The following WDR17 variants were observed in gnomAD, a reference collection of about 807,000 sequenced individuals.
The protein encoded by WDR17 is WD repeat-containing protein 17.
A neutral mutation model predicts 161.7 loss-of-function variants in WDR17; 143 were observed. That is an observed-to-expected ratio of 0.88 (90% CI 0.77 to 1.02). WDR17 has a LOEUF of 1.02. Ranked by LOEUF, WDR17 falls within the 50% of genes least tolerant of loss-of-function variation. WDR17 has a pLI of 0.00. For synonymous variants in WDR17, 517 were observed against 515.6 expected (o/e 1.00, Z -0.04); for missense variants, 1,469 against 1,520.9 (o/e 0.97, Z 0.57).
intron 22 of WDR17, 172 bp from the exon 23 acceptor site, chr4:176,168,500 T>G: frequency 1.5e-6 from 1 of 657,738 alleles, no homozygotes; most frequent in Non-Finnish European, 2.4e-6. Flanking sequence ...ACCTTTGGTT[T>G]GGGTAATCTG....
chr4:176,094,102 T>TA (rs1314863452), intron 1 of WDR17, among the ~76,000 whole-genome samples: 7 of 152,144 alleles, frequency 4.6e-5, no homozygotes, highest in Admixed American at 3.9e-4. Context: ...ATTTTACTCT[T>TA]AAAAAAACAC....
chr4:176,179,488 A>C lies in WDR17; in HGVS notation c.3761A>C (p.Lys1254Thr). ...QGPVFFLEDG[K>T]SAISLNDALM... ...CCTGTGTTTTTCCTTGAAGACGGGA[A>C]ATCTGCTATCTCCTTGAATGATGCT... Residue 1254 changes from lysine to threonine, a missense_variant, in exon 29 of 29, where the codon AAA (lysine) becomes ACA (threonine). Physicochemically the swap from Lys to Thr is moderately conservative, Grantham distance 78. Transcript: ENST00000508596. 6.2e-7 allele frequency: 1 copy of C among 1,601,156 alleles called. No individual in the cohort carries two copies. Among genetic ancestry groups the C allele is most frequent in the South Asian group, 1.1e-5 (1 of 89,080 alleles).
rs114333250 is a variant in WDR17 at position 176,128,768 on chromosome 4, A to G, written c.821A>G (p.Asn274Ser). 321 of 1,604,356 alleles carry G rather than the reference A, an allele frequency of 2.0e-4. No homozygotes were observed. In the African/African-American group the frequency reaches 3.0e-3, roughly 15 times the overall value. The change falls in exon 6 of 29, where the codon AAT (asparagine) becomes AGT (serine). Residue 274 changes from asparagine (N) to serine (S), a missense_variant. Asn to Ser is a conservative substitution (Grantham distance 46, BLOSUM62 1). Transcript: ENST00000508596. ...CAAGTGGGTGTTTTACGCATTTGGA[A>G]TGTTTCAAGAACAACACCTATTGAT... ...DSQVGVLRIW[N>S]VSRTTPIDNL...
At chr4:176,157,732 A>G (rs1214949721) in intron 18 of WDR17, among the ~76,000 whole-genome samples, 3 of 152,244 alleles carry the variant, frequency 2.0e-5, no homozygotes, top group Admixed American at 1.3e-4. Flanking sequence ...CTATGTGATT[A>G]TTGACATATT....
intron 3 of WDR17, 25 bp from the exon 4 acceptor site, chr4:176,119,842 T>C: frequency 6.3e-7 from 1 of 1,584,124 alleles, no homozygotes; most frequent in Non-Finnish European, 8.7e-7. Context: ...ATCTTTATTA[T>C]GTATCTGTAT....
At chr4:176,087,182 C>T (rs1053704750) in intron 1 of WDR17, among the ~76,000 whole-genome samples, 7 of 151,808 alleles carry the variant, frequency 4.6e-5, no homozygotes, top group African/African-American at 1.4e-4. Flanking sequence ...TGTTTCTTAT[C>T]CTTCTACCTA....
intron 1 of WDR17, among the ~76,000 whole-genome samples, chr4:176,083,987 C>T (rs1158506816): frequency 6.6e-6 from 1 of 151,732 alleles, no homozygotes; most frequent in Non-Finnish European, 1.5e-5. Flanking sequence ...TCCCTTTTGT[C>T]CATTTTTCTA....
intron 1 of WDR17, among the ~76,000 whole-genome samples, chr4:176,069,244 G>A (rs1318009925): frequency 6.7e-6 from 1 of 150,374 alleles, no homozygotes; most frequent in Non-Finnish European, 1.5e-5. Context: ...GCTACTTGAG[G>A]AAAATAATTT....
In WDR17 at chr4:176,148,321, G is replaced by A. The variant is rs151323813; in HGVS notation, c.1883G>A (p.Gly628Asp). The A allele has an allele frequency of 3.6e-4, 579 of 1,612,764 alleles. 1 individual carries two copies. Among genetic ancestry groups the A allele is most frequent in the Middle Eastern group, 1.2e-3 (7 of 6,058 alleles). Residue 628 changes from glycine to aspartate, a missense_variant, in exon 13 of 29, where the codon GGT becomes GAT. Physicochemically the swap from Gly to Asp is moderately conservative, Grantham distance 94. Coordinates refer to ENST00000508596, the MANE Select transcript of WDR17 (RefSeq NM_181265.4). Reference protein sequence around the residue: ...GTCVDTVYDHGADVYGLTCHP... With the variant: ...GTCVDTVYDHDADVYGLTCHP... ...TGTGTGGATACTGTGTATGATCACG[G>A]TGCAGATGTATATGGTAGAGTGTCT...
In WDR17 at chr4:176,168,643, T is replaced by C. The variant is rs151005676; in HGVS notation, c.2991-29T>C. 13 of 1,612,562 alleles carry C rather than the reference T, an allele frequency of 8.1e-6. No homozygotes were observed. In the East Asian group the frequency reaches 1.6e-4, roughly 19 times the overall value. On this transcript the variant is annotated intron_variant, in intron 22 of 28. Transcript: ENST00000508596. ...TGTTATTTTTAAATCTTCTCCTCAA[T>C]GAAGTGTCCCCTTTTGTTACGTTAA...
At chr4:176,138,814 A>G (rs1240252002) in intron 9 of WDR17, among the ~76,000 whole-genome samples, 1 of 151,820 alleles carries the variant, frequency 6.6e-6, no homozygotes, top group East Asian at 1.9e-4. Flanking sequence ...GTATTTCTTT[A>G]TGTCTTTCCC....
chr4:176,066,589 C>T lies in WDR17; in HGVS notation c.-7+510C>T, dbSNP rs955624908. Among the ~76,000 whole-genome samples, 45 of 152,246 alleles carry T rather than the reference C, an allele frequency of 3.0e-4. 1 individual carries two copies. Among genetic ancestry groups the T allele is most frequent in the African/African-American group, 1.1e-3 (45 of 41,540 alleles). On this transcript the variant is annotated intron_variant, in intron 1 of 28. Coordinates refer to ENST00000508596, the MANE Select transcript of WDR17 (RefSeq NM_181265.4). ...TATTAAGTAGATCGTAAAATAGAATCTTTGCTGTCCTCCCCTCTCCAAAAT... is the reference window on the plus strand; with the variant it reads ...TATTAAGTAGATCGTAAAATAGAATTTTTGCTGTCCTCCCCTCTCCAAAAT...
At chr4:176,104,321 G>GA (rs1450054853) in intron 1 of WDR17, among the ~76,000 whole-genome samples, 2 of 152,050 alleles carry the variant, frequency 1.3e-5, no homozygotes, top group East Asian at 1.9e-4. Context: ...AAAGCCATAT[G>GA]AAAAAATAAA....
Position 176,065,946 on chromosome 4 carries a change from C to G in WDR17, c.-140C>G, listed in dbSNP as rs1469974263. Reference sequence around the variant, plus strand: ...TCGGAGCCCGCGGGCCCGGCCGCCCCGCCCCCGGGCGCCCTGAGCGAGCAG... The same window carrying G: ...TCGGAGCCCGCGGGCCCGGCCGCCCGGCCCCCGGGCGCCCTGAGCGAGCAG... On this transcript the variant is annotated 5_prime_UTR_variant, in exon 1 of 29. Coordinates refer to ENST00000508596, the MANE Select transcript of WDR17 (RefSeq NM_181265.4). 6.6e-6 allele frequency: 1 copy of G among 152,046 alleles called. No homozygotes were observed. Among genetic ancestry groups the G allele is most frequent in the Non-Finnish European group, 1.5e-5 (1 of 68,000 alleles). 9.4% of individuals were successfully genotyped at this position (152,046 alleles called of 1,614,324 possible).
At position 176,087,783 on chromosome 4, in the gene WDR17, T is replaced by C. The variant is rs537025218; in HGVS notation, c.-7+21704T>C. Among the ~76,000 whole-genome samples the C allele has an allele frequency of 5.9e-5, 9 of 152,300 alleles. No individual in the cohort carries two copies. The South Asian group carries it at 8.3e-4, about 14-fold the overall frequency. The stretch of plus-strand genomic sequence containing the variant: ...CAACTAATAAACTCATCCATTGAGA[T>C]ATAAATTTCAGCCATTGTGTTTTTC... On this transcript the variant is annotated intron_variant, in intron 1 of 28. Coordinates refer to ENST00000508596, the MANE Select transcript of WDR17 (RefSeq NM_181265.4).
At chr4:176,119,441 C>T (rs1741189303) in intron 3 of WDR17, among the ~76,000 whole-genome samples, 1 of 152,108 alleles carries the variant, frequency 6.6e-6, no homozygotes, top group South Asian at 2.1e-4. Flanking sequence ...TTTTTATTCA[C>T]TAATCCCTGT....
At chr4:176,127,485 G>A (rs550283636) in intron 5 of WDR17, among the ~76,000 whole-genome samples, 10 of 151,950 alleles carry the variant, frequency 6.6e-5, no homozygotes, top group Admixed American at 4.6e-4. Context: ...TAGTAGAGAC[G>A]GTGTTTTACC....
At chr4:176,112,648 G>A (rs1303454122) in intron 2 of WDR17, among the ~76,000 whole-genome samples, 1 of 152,034 alleles carries the variant, frequency 6.6e-6, no homozygotes, top group Non-Finnish European at 1.5e-5. Context: ...CTCAGCTCCT[G>A]TATGAACTCT....
chr4:176,177,381 C>T, intron 27 of WDR17, 90 bp from the exon 28 acceptor site: 1 of 1,259,016 alleles, frequency 7.9e-7, no homozygotes, highest in Non-Finnish European at 1.1e-6. Context: ...TAAAGGGGAA[C>T]TAAATAATCA....
Sources: gnomAD v4.1 joint callset for allele counts (sites outside exome capture counted in the v4.1 genomes callset) on GRCh38, gnomAD v4.1.1 for gene constraint, MANE v1.5 for transcripts, NCBI Gene and HGNC (gene_info 2026-07-23, HGNC 2026-07-21) for gene names.